Variants in OTP observed in about 807,000 individuals in gnomAD.
OTP encodes homeobox protein orthopedia.
In OTP, 5 loss-of-function variants were observed where a neutral mutation model predicts 22.3. The observed-to-expected ratio is 0.22, with a 90% CI of 0.12 to 0.47. The LOEUF is 0.47. Ranked by LOEUF, OTP falls within the 20% of genes least tolerant of loss-of-function variation. The pLI is 0.99. For missense variants in OTP, 428 were observed against 456.2 expected, an observed-to-expected ratio of 0.94 and a Z score of 0.56; for synonymous variants, 229 against 210.6, an observed-to-expected ratio of 1.09 and a Z score of -0.76.
rs1310367365 is a variant in OTP at position 77,630,706 on chromosome 5, G to T, written c.536C>A (p.Pro179Gln). 6.3e-7 allele frequency: 1 copy of T among 1,584,228 alleles called. No individual in the cohort carries two copies. Residue 179 changes from proline to glutamine, a missense_variant, in exon 3 of 3, where the codon CCA (proline) becomes CAA (glutamine). Pro to Gln is a moderately conservative substitution (Grantham distance 76). Transcript: ENST00000306422. Reference sequence around the variant, plus strand: ...AGCCGACGGGAACTGAGGCAGGCCTGGCGTGGGCAGCAGTGTGCCGGGCGC... The same window carrying T: ...AGCCGACGGGAACTGAGGCAGGCCTTGCGTGGGCAGCAGTGTGCCGGGCGC... The part of the protein sequence containing the change: ...FRAPGTLLPT[P>Q]GLPQFPSAAA...
intron 2 of OTP, 86 bp from the exon 3 acceptor site, chr5:77,630,880 C>T (rs1297468896): frequency 7.3e-7 from 1 of 1,360,586 alleles, no homozygotes; most frequent in Admixed American, 2.9e-5. Flanking sequence ...CAGAAACCCG[C>T]CTCGGATACA....
chr5:77,632,133 A>C (rs746547023), intron 2 of OTP, among the ~76,000 whole-genome samples: 2 of 150,618 alleles, frequency 1.3e-5, no homozygotes, highest in Non-Finnish European at 2.9e-5. Flanking sequence ...GTGGCCCGGG[A>C]GTTACAGACC....
intron 2 of OTP, 36 bp from the exon 3 acceptor site, chr5:77,630,830 A>G: frequency 6.7e-7 from 1 of 1,493,302 alleles, no homozygotes; most frequent in Non-Finnish European, 8.8e-7. Context: ...ACAGGGAGCT[A>G]TTAGCCGGCC....
At chr5:77,637,314 C>T (rs567205445) in intron 1 of OTP, 84 bp from the exon 2 acceptor site, 146 of 1,408,718 alleles carry the variant, frequency 1.0e-4, no homozygotes, top group Admixed American at 3.1e-4. Context: ...TCCTTCAACC[C>T]GTCCTCGGCC....
At chr5:77,635,375 ATGTTTACAG>A (rs922468545) in intron 2 of OTP, among the ~76,000 whole-genome samples, 1 of 152,210 alleles carries the variant, frequency 6.6e-6, no homozygotes, top group Non-Finnish European at 1.5e-5. Flanking sequence ...TTACTAACAC[ATGTTTACAG>A]TTACACAATT....
In OTP at chr5:77,637,162, A is replaced by T. The variant is rs1362794947; in HGVS notation, c.106T>A (p.Ser36Thr). The change falls in exon 2 of 3, where the codon TCC becomes ACC. Residue 36 changes from serine (S) to threonine (T), a missense_variant. Transcript: ENST00000306422. ...TCCCCCGGATGGCCCCCGGGGTCGG[A>T]GCCCCCCACGCCCAGCCTACACTTC... ...AVKCRLGVGG[S>T]DPGGHPGDLA... 6.3e-7 allele frequency: 1 copy of T among 1,579,406 alleles called. No individual in the cohort carries two copies.
At chr5:77,633,911 G>T (rs966894842) in intron 2 of OTP, among the ~76,000 whole-genome samples, 10 of 152,138 alleles carry the variant, frequency 6.6e-5, no homozygotes, top group African/African-American at 2.2e-4. Context: ...TCAGCCAGCC[G>T]TGAACTCTGG....
At chr5:77,638,027 C>G (rs1384039383) in intron 1 of OTP, among the ~76,000 whole-genome samples, 1 of 152,114 alleles carries the variant, frequency 6.6e-6, no homozygotes, top group South Asian at 2.1e-4. Context: ...TCCTTCTCAA[C>G]CAGCACACTT....
intron 2 of OTP, 102 bp downstream of exon 2, chr5:77,636,719 G>A: frequency 8.2e-7 from 1 of 1,215,716 alleles, no homozygotes; most frequent in Non-Finnish European, 1.2e-6. Context: ...CAGCCTGAAA[G>A]CAGCCCAGGA....
chr5:77,630,736 A>G lies in OTP; in HGVS notation c.506T>C (p.Phe169Ser). Reference protein sequence around the residue: ...WKKRKKTTNVFRAPGTLLPTP... With the variant: ...WKKRKKTTNVSRAPGTLLPTP... ...GGGCAGCAGTGTGCCGGGCGCACGG[A>G]ACACGTTGGTCGTCTTTTTGCGCTT... is the stretch of plus-strand genomic sequence containing the variant. The change falls in exon 3 of 3, where the codon TTC becomes TCC. Residue 169 changes from phenylalanine to serine, a missense_variant. Phe to Ser is a radical substitution (Grantham distance 155). This residue lies in a region of OTP where 236 missense variants were observed against 238.1 expected (regional missense o/e 0.99). Coordinates refer to ENST00000306422, the MANE Select transcript of OTP (RefSeq NM_032109.3). 6.3e-7 allele frequency: 1 copy of G among 1,584,102 alleles called. No individual in the cohort carries two copies. Among genetic ancestry groups the G allele is most frequent in the African/African-American group, 1.3e-5 (1 of 74,088 alleles).
chr5:77,630,934 C>T, intron 2 of OTP, 140 bp from the exon 3 acceptor site: 1 of 964,308 alleles, frequency 1.0e-6, no homozygotes, highest in Non-Finnish European at 1.5e-6. Context: ...GCCCGACAAG[C>T]CCCCATACCC....
At position 77,630,564 on chromosome 5, in the gene OTP, C is replaced by T. The variant is rs1326937567; in HGVS notation, c.678G>A (p.Leu226=). ...ACTGCGCCATGGCCTGCTGCCTGCCCAGCGCCGGCGGCAGAGGCAGCTGTG... is the reference window on the plus strand; with the variant it reads ...ACTGCGCCATGGCCTGCTGCCTGCCTAGCGCCGGCGGCAGAGGCAGCTGTG... The part of the protein sequence containing the change: ...GVSQLPLPPA[L]GRQQAMAQSL... The change falls in exon 3 of 3, where the codon CTG becomes CTA. Residue 226 remains leucine, a synonymous_variant. Coordinates refer to ENST00000306422, the MANE Select transcript of OTP (RefSeq NM_032109.3). The T allele has an allele frequency of 6.4e-7, 1 of 1,566,700 alleles. No individual in the cohort carries two copies. The highest frequency in any genetic ancestry group is 8.6e-7 in the Non-Finnish European group (1 of 1,160,340).
Position 77,638,578 on chromosome 5 carries a change from C to A in OTP, c.-29G>T. On this transcript the variant is annotated 5_prime_UTR_variant, in exon 1 of 3. Coordinates refer to ENST00000306422, the MANE Select transcript of OTP (RefSeq NM_032109.3). ...GCACCGCTCCAGGGCGAAAGCTGTTCCCCCCCAAATTTTAGCGGCTTTAAG... is the reference window on the plus strand; with the variant it reads ...GCACCGCTCCAGGGCGAAAGCTGTTACCCCCCAAATTTTAGCGGCTTTAAG... 1 of 1,544,898 alleles carries A rather than the reference C, an allele frequency of 6.5e-7. No individual in the cohort carries two copies. Among genetic ancestry groups the A allele is most frequent in the Non-Finnish European group, 8.7e-7 (1 of 1,151,070 alleles).
At chr5:77,636,145 C>T (rs1468711626) in intron 2 of OTP, 1 of 152,184 alleles carries the variant, frequency 6.6e-6, no homozygotes, top group Non-Finnish European at 1.5e-5. Flanking sequence ...TTTCCCCTCC[C>T]CCACCGTAGC....
At position 77,630,431 on chromosome 5, in the gene OTP, G is replaced by C; in HGVS notation, c.811C>G (p.Pro271Ala). 1 of 1,580,940 alleles carries C rather than the reference G, an allele frequency of 6.3e-7. No homozygotes were observed. The highest frequency in any genetic ancestry group is 8.6e-7 in the Non-Finnish European group (1 of 1,165,462). The change falls in exon 3 of 3, where the codon CCC (proline) becomes GCC (alanine). Residue 271 changes from proline to alanine, a missense_variant. Physicochemically the swap from Pro to Ala is conservative, Grantham distance 27. Transcript: ENST00000306422. ...GCGGGCACCATGCCGGGGAAGGCGGGCTGGTAGAGGTGCGACTGCAGCCCC... is the reference window on the plus strand; with the variant it reads ...GCGGGCACCATGCCGGGGAAGGCGGCCTGGTAGAGGTGCGACTGCAGCCCC... Reference protein sequence around the residue: ...GAGLQSHLYQPAFPGMVPASL... With the variant: ...GAGLQSHLYQAAFPGMVPASL...
chr5:77,630,862 T>A, intron 2 of OTP, 68 bp from the exon 3 acceptor site: 1 of 1,443,310 alleles, frequency 6.9e-7, no homozygotes, highest in Non-Finnish European at 9.1e-7. Flanking sequence ...GAGTTGGGGC[T>A]TGAGCCCCAG....
Position 77,630,313 on chromosome 5 carries a change from G to A in OTP, c.929C>T (p.Ser310Phe). ...GTGCTCTAGCGCCTTGCGGCGGAGG[G>A]AGGCGATGCTGGTGCCCCGCCACAC... is the stretch of plus-strand genomic sequence containing the variant. ...SDVWRGTSIA[S>F]LRRKALEHTV... The change falls in exon 3 of 3, where the codon TCC (serine) becomes TTC (phenylalanine). Residue 310 changes from serine (S) to phenylalanine (F), a missense_variant. This residue lies in a region of OTP where 236 missense variants were observed against 238.1 expected (regional missense o/e 0.99). Transcript: ENST00000306422. The A allele has an allele frequency of 6.4e-7, 1 of 1,565,726 alleles. No homozygotes were observed. Among genetic ancestry groups the A allele is most frequent in the Non-Finnish European group, 8.6e-7 (1 of 1,159,012 alleles).
intron 2 of OTP, chr5:77,636,574 G>A (rs2112372687): frequency 2.3e-6 from 1 of 439,384 alleles, no homozygotes; most frequent in Non-Finnish European, 4.0e-6. Flanking sequence ...ACAACGCCGG[G>A]CTTCGATTTT....
intron 2 of OTP, among the ~76,000 whole-genome samples, chr5:77,633,007 C>T (rs1580063463): frequency 2.0e-5 from 3 of 152,138 alleles, no homozygotes; most frequent in Admixed American, 6.5e-5. Context: ...CTAAACGGTT[C>T]CCACACCTTA....
Sources: gnomAD v4.1 joint callset for allele counts (sites outside exome capture counted in the v4.1 genomes callset) on GRCh38, gnomAD v4.1.1 for gene constraint, gnomAD v4.1.1 regional missense constraint, MANE v1.5 for transcripts, NCBI Gene and HGNC (gene_info 2026-07-23, HGNC 2026-07-21) for gene names.